The following ZNF385D variants were observed in gnomAD, a reference collection of about 807,000 sequenced individuals.
ZNF385D encodes zinc finger protein 385D.
A neutral mutation model predicts 35.8 loss-of-function variants in ZNF385D; 15 were observed. That is an observed-to-expected ratio of 0.42 (90% CI 0.28 to 0.64). The LOEUF (loss-of-function observed/expected upper bound fraction) is 0.64. Among genes scored for constraint, ZNF385D ranks in the 30% least tolerant of loss-of-function variants. The pLI is 0.23. For synonymous variants in ZNF385D, 212 were observed against 186.8 expected, an observed-to-expected ratio of 1.13 and a Z score of -1.10; for missense variants, 474 against 494.6, an observed-to-expected ratio of 0.96 and a Z score of 0.39.
intron 2 of ZNF385D, among the ~76,000 whole-genome samples, chr3:22,191,448 T>C (rs920372930): frequency 4.0e-5 from 6 of 150,146 alleles, no homozygotes; most frequent in African/African-American, 9.8e-5. Flanking sequence ...GATAGTACCA[T>C]TGCACTCCAG....
chr3:21,768,037 T>C (rs1026391258), intron 3 of ZNF385D, among the ~76,000 whole-genome samples: 1 of 152,218 alleles, frequency 6.6e-6, no homozygotes, highest in African/African-American at 2.4e-5. Context: ...TGTAACAACA[T>C]GCACTCATTT....
intron 2 of ZNF385D, among the ~76,000 whole-genome samples, chr3:22,313,542 T>G (rs911674535): frequency 2.0e-5 from 3 of 150,994 alleles, no homozygotes; most frequent in African/African-American, 4.9e-5. Context: ...ACATTTAACA[T>G]GTTTTTAAAA....
At chr3:22,328,814 G>A (rs1377982066) in intron 2 of ZNF385D, among the ~76,000 whole-genome samples, 1 of 151,326 alleles carries the variant, frequency 6.6e-6, no homozygotes, top group Non-Finnish European at 1.5e-5. Context: ...GGTGGCTCAC[G>A]CCTGTAATCC....
At chr3:21,964,320 GA>G (rs147018174) in intron 3 of ZNF385D, among the ~76,000 whole-genome samples, 12 of 136,498 alleles carry the variant, frequency 8.8e-5, no homozygotes, top group East Asian at 6.8e-4. Flanking sequence ...AATACAAATG[GA>G]AAAAAAAAGA....
intron 2 of ZNF385D, among the ~76,000 whole-genome samples, chr3:22,372,206 C>T (rs1352518601): frequency 1.3e-5 from 2 of 152,130 alleles, no homozygotes; most frequent in East Asian, 3.9e-4. Flanking sequence ...TTCACTCTGG[C>T]CCCGCAACCT....
chr3:21,654,122 A>G (rs570429549), intron 2 of ZNF385D, among the ~76,000 whole-genome samples: 1 of 152,178 alleles, frequency 6.6e-6, no homozygotes, highest in Admixed American at 6.6e-5. Flanking sequence ...GAATATAGAA[A>G]TTAAAAAATA....
chr3:21,484,258 A>C (rs980928437), intron 4 of ZNF385D, among the ~76,000 whole-genome samples: 1 of 152,154 alleles, frequency 6.6e-6, no homozygotes, highest in Non-Finnish European at 1.5e-5. Context: ...CACAGGTGGA[A>C]CTTGCTAACC....
At chr3:22,018,803 C>G (rs1264837489) in intron 3 of ZNF385D, among the ~76,000 whole-genome samples, 1 of 151,794 alleles carries the variant, frequency 6.6e-6, no homozygotes, top group South Asian at 2.1e-4. Flanking sequence ...GTCATTTCAC[C>G]TGTGCTTTAG....
At chr3:22,156,820 G>A (rs1053809915) in intron 3 of ZNF385D, among the ~76,000 whole-genome samples, 6 of 152,074 alleles carry the variant, frequency 3.9e-5, no homozygotes, top group African/African-American at 9.7e-5. Flanking sequence ...AGTACCCAAG[G>A]TGATTCTGAA....
At chr3:22,200,909 G>A (rs1029928723) in intron 2 of ZNF385D, among the ~76,000 whole-genome samples, 1 of 152,070 alleles carries the variant, frequency 6.6e-6, no homozygotes, top group Non-Finnish European at 1.5e-5. Flanking sequence ...TATCTCTCTT[G>A]TTCCCTCAAC....
chr3:22,016,135 TTC>T (rs1162434331), intron 3 of ZNF385D, among the ~76,000 whole-genome samples: 3 of 152,136 alleles, frequency 2.0e-5, no homozygotes, highest in Non-Finnish European at 4.4e-5. Flanking sequence ...AAAACAGTTC[TTC>T]TAATTTTTCT....
rs1207199234 is a variant in ZNF385D at position 21,910,948 on chromosome 3, C to T, written c.326-245920G>A. On this transcript the variant is annotated intron_variant, in intron 3 of 5. Transcript: ENST00000494108. Reference sequence around the variant, plus strand: ...GTTGAAGTACAAAATAAACCTGATGCTTTTTAATTAGATGAAAAACTACAT... The same window carrying T: ...GTTGAAGTACAAAATAAACCTGATGTTTTTTAATTAGATGAAAAACTACAT... 4.0e-5 allele frequency among the ~76,000 whole-genome samples: 6 copies of T among 151,888 alleles called. No homozygotes were observed. The East Asian group carries it at 9.7e-4, about 24-fold the overall frequency.
Position 21,496,521 on chromosome 3 carries a change from T to C in ZNF385D, c.439+14340A>G, listed in dbSNP as rs899459876. Among the ~76,000 whole-genome samples the C allele has an allele frequency of 5.5e-4, 45 of 81,918 alleles. 1 individual carries two copies. The South Asian group carries it at 0.015, about 28-fold the overall frequency. The allele number at this position is 81,918 out of a possible 152,430, so 53.7% of individuals were successfully genotyped here. ...TATATATATCATATATATATACACA[T>C]ATATTTGATATATATATCATATATA... On this transcript the variant is annotated intron_variant, in intron 4 of 7. Coordinates refer to ENST00000281523, the MANE Select transcript of ZNF385D (RefSeq NM_024697.3).
rs2065194766 is a variant in ZNF385D at position 21,628,502 on chromosome 3, T to C, written c.165+36384A>G. ...TTTGTAGTAGTTTATATGAAAAATC[T>C]AGATTTTAAAAAAATCTATAAGGTA... On this transcript the variant is annotated intron_variant, in intron 2 of 7. Transcript: ENST00000281523. Among the ~76,000 whole-genome samples the C allele has an allele frequency of 2.1e-5, 3 of 140,272 alleles. No homozygotes were observed. The Admixed American group carries it at 2.2e-4, about 10-fold the overall frequency. 92.0% of individuals were successfully genotyped at this position (140,272 alleles called of 152,430 possible). A position where few individuals can be genotyped will look rare whatever the true frequency, so the allele number is the denominator to read the frequency against.
At chr3:22,348,797 A>T (rs1189575600) in intron 2 of ZNF385D, among the ~76,000 whole-genome samples, 1 of 152,180 alleles carries the variant, frequency 6.6e-6, no homozygotes, top group African/African-American at 2.4e-5. Flanking sequence ...GGAGAGAGGC[A>T]TGGTGATAGC....
chr3:21,442,718 C>T (rs536638263), intron 4 of ZNF385D, among the ~76,000 whole-genome samples: 1 of 151,298 alleles, frequency 6.6e-6, no homozygotes, highest in Admixed American at 6.6e-5. Context: ...GTTCTGTAAC[C>T]AATTGAGCAG....
intron 3 of ZNF385D, among the ~76,000 whole-genome samples, chr3:21,825,279 C>A (rs879509055): frequency 6.6e-5 from 10 of 152,178 alleles, no homozygotes; most frequent in African/African-American, 9.7e-5. Context: ...AAGCTTGCAT[C>A]TAACTCATGT....
chr3:22,183,354 T>C (rs915177263), intron 2 of ZNF385D, among the ~76,000 whole-genome samples: 1 of 152,158 alleles, frequency 6.6e-6, no homozygotes, highest in African/African-American at 2.4e-5. Flanking sequence ...ATTTATTTAC[T>C]TATTTTTTTA....
chr3:21,481,885 T>C (rs1471766359), intron 4 of ZNF385D, among the ~76,000 whole-genome samples: 4 of 152,130 alleles, frequency 2.6e-5, no homozygotes, highest in African/African-American at 9.7e-5. Context: ...GTCATAAACT[T>C]CATAATCCCT....
Sources: allele counts gnomAD v4.1 joint callset (sites outside exome capture counted in the v4.1 genomes callset), GRCh38; gene constraint gnomAD v4.1.1; transcripts MANE v1.5; gene names NCBI Gene and HGNC (gene_info 2026-07-23, HGNC 2026-07-21).